PCDHGA5: variants seen among roughly 807,000 people sequenced by gnomAD.
PCDHGA5 encodes the protein protocadherin gamma-A5.
A neutral mutation model predicts 56.7 loss-of-function variants in PCDHGA5; 36 were observed. The observed-to-expected ratio is 0.64, with a 90% confidence interval of 0.49 to 0.84. PCDHGA5 has a LOEUF of 0.84. PCDHGA5 is among the 40% of genes least tolerant of loss of function. The pLI is 0.00. For synonymous variants in PCDHGA5, 563 were observed against 520.2 expected, an observed-to-expected ratio of 1.08 and a Z score of -1.12; for missense variants, 1,305 against 1,201.5, an observed-to-expected ratio of 1.09 and a Z score of -1.27.
intron 1 of PCDHGA5, chr5:141,394,519 C>T: frequency 6.2e-7 from 1 of 1,614,240 alleles, no homozygotes; most frequent in Non-Finnish European, 8.5e-7. Flanking sequence ...GCCCTCCCCA[C>T]AGACGGTTCC....
chr5:141,494,468 C>G (rs2099754577), intron 1 of PCDHGA5, among the ~76,000 whole-genome samples: 1 of 152,136 alleles, frequency 6.6e-6, no homozygotes, highest in East Asian at 1.9e-4. Context: ...TGCACCTCTT[C>G]CCCCAGTTCC....
intron 3 of PCDHGA5, among the ~76,000 whole-genome samples, chr5:141,509,776 C>T (rs898626809): frequency 7.2e-5 from 11 of 152,140 alleles, no homozygotes; most frequent in African/African-American, 9.7e-5. Context: ...GTCTAGTCCC[C>T]GAGATCATCA....
intron 1 of PCDHGA5, chr5:141,399,103 C>T (rs376000100): frequency 1.5e-5 from 25 of 1,613,604 alleles, no homozygotes; most frequent in East Asian, 6.7e-5. Context: ...ACTGGTTGCA[C>T]AATGTACAGT....
At chr5:141,403,616 C>G (rs2094434764) in intron 1 of PCDHGA5, 11 of 1,613,892 alleles carry the variant, frequency 6.8e-6, no homozygotes, top group Non-Finnish European at 9.3e-6. Flanking sequence ...CGAGCCGCGT[C>G]GCTCCAGCAC....
rs766387243 is a variant in PCDHGA5 at position 141,489,017 on chromosome 5, TCTC to T, written c.2422-5782_2422-5780del. The stretch of plus-strand genomic sequence containing the variant: ...GGGAGATCTGCTCTTCCAGCCCGCC[TCTC>T]CTCCTCCAGCTCCCCAGCTCCACTC... On this transcript the variant is annotated intron_variant, in intron 1 of 3. Transcript: ENST00000518069. This position sits in a 1 kb window ranked among gnomAD's most constrained non-coding sequence, Gnocchi z 4.5. 2 of 435,354 alleles carry T rather than the reference TCTC, an allele frequency of 4.6e-6. No individual in the cohort carries two copies. Among genetic ancestry groups the T allele is most frequent in the Non-Finnish European group, 8.1e-6 (2 of 247,876 alleles). The allele number at this position is 435,354 out of a possible 1,614,324, so 27.0% of individuals were successfully genotyped here. A position where few individuals can be genotyped will look rare whatever the true frequency, so the allele number is the denominator to read the frequency against.
chr5:141,385,348 C>T, intron 1 of PCDHGA5: 1 of 1,557,574 alleles, frequency 6.4e-7, no homozygotes. Context: ...TCCTTTATTT[C>T]CATGAGGAAT....
Position 141,476,511 on chromosome 5 carries a change from A to G in PCDHGA5, c.2422-18296A>G, listed in dbSNP as rs1562054650. Reference sequence around the variant, plus strand: ...GTGATCCAGGACATCAACGACAACAATCCTGCTTTCCCTACCCAGGAAATG... The same window carrying G: ...GTGATCCAGGACATCAACGACAACAGTCCTGCTTTCCCTACCCAGGAAATG... On this transcript the variant is annotated intron_variant, in intron 1 of 3. Transcript: ENST00000518069. The surrounding 1 kb of genome is among the most constrained non-coding windows in gnomAD (Gnocchi z 7.6). The G allele has an allele frequency of 5.0e-6, 8 of 1,613,902 alleles. No individual in the cohort carries two copies. The highest frequency in any genetic ancestry group is 6.8e-6 in the Non-Finnish European group (8 of 1,179,960).
Position 141,487,522 on chromosome 5 carries a change from T to G in PCDHGA5, c.2422-7285T>G, listed in dbSNP as rs764726787. Reference sequence around the variant, plus strand: ...TGGCTTCTGCACCCACTCGGAGTGATAGCTTCATGATGGTGAAGTCACCCA... The same window carrying G: ...TGGCTTCTGCACCCACTCGGAGTGAGAGCTTCATGATGGTGAAGTCACCCA... On this transcript the variant is annotated intron_variant, in intron 1 of 3. Transcript: ENST00000518069. This position sits in a 1 kb window ranked among gnomAD's most constrained non-coding sequence, Gnocchi z 5.0. The G allele has an allele frequency of 6.2e-7, 1 of 1,614,166 alleles. No individual in the cohort carries two copies. The highest frequency in any genetic ancestry group is 8.5e-7 in the Non-Finnish European group (1 of 1,180,022).
intron 1 of PCDHGA5, chr5:141,399,883 A>C: frequency 6.2e-7 from 1 of 1,612,718 alleles, no homozygotes; most frequent in South Asian, 1.1e-5. Flanking sequence ...CCTGGTGACC[A>C]AGGTAGTGGC....
At chr5:141,455,160 G>T (rs6875366) in intron 1 of PCDHGA5, among the ~76,000 whole-genome samples, 16,301 of 149,190 alleles carry the variant, frequency 0.11, 1,328 homozygotes, top group African/African-American at 0.23. Context: ...TAGTTTGTTG[G>T]TTTTTTTTTT....
chr5:141,450,826 A>ATTTTT (rs764729742), intron 1 of PCDHGA5, among the ~76,000 whole-genome samples: 2 of 134,302 alleles, frequency 1.5e-5, no homozygotes, highest in African/African-American at 2.9e-5. Flanking sequence ...TATTATTATT[A>ATTTTT]TTATTTTTTT....
Position 141,371,494 on chromosome 5 carries a change from C to A in PCDHGA5, c.2421+4743C>A, listed in dbSNP as rs535024997. ...GATGCTGAGCTGGGGACTGCCGTTG[C>A]CCTGATCAAAACACATGATCTAGAT... On this transcript the variant is annotated intron_variant, in intron 1 of 3. Transcript: ENST00000518069. 20 of 1,613,888 alleles carry A rather than the reference C, an allele frequency of 1.2e-5. No individual in the cohort carries two copies. In the South Asian group the frequency reaches 1.9e-4, roughly 15 times the overall value.
rs11343387 is a variant in PCDHGA5 at position 141,497,209 on chromosome 5, TGG to T, written c.2480+2352_2480+2353del. On this transcript the variant is annotated intron_variant, in intron 2 of 3. Transcript: ENST00000518069. ...GAGGCAGAGAACAATGTGAGTGTAATGGGGGGGGGAAGATCAGAGAAGGCTTC... is the reference window on the plus strand; with the variant it reads ...GAGGCAGAGAACAATGTGAGTGTAATGGGGGGGAAGATCAGAGAAGGCTTC... Among the ~76,000 whole-genome samples the T allele has an allele frequency of 3.8e-3, 569 of 151,352 alleles. 5 individuals are homozygous for T. Among genetic ancestry groups the T allele is most frequent in the Admixed American group, 0.011 (162 of 15,190 alleles).
intron 1 of PCDHGA5, among the ~76,000 whole-genome samples, chr5:141,456,690 C>T (rs893478646): frequency 7.2e-5 from 11 of 152,218 alleles, no homozygotes; most frequent in Admixed American, 5.2e-4. Flanking sequence ...ACTGGCCAGG[C>T]GTGGTGGCTC....
At chr5:141,374,238 T>C (rs1770300892) in intron 1 of PCDHGA5, 2 of 1,614,016 alleles carry the variant, frequency 1.2e-6, no homozygotes, top group African/African-American at 1.3e-5. Context: ...GTCAAGGATC[T>C]GGGACTGGAG....
chr5:141,512,702 C>T lies in PCDHGA5; in HGVS notation c.*1529C>T, dbSNP rs940927635. 2.0e-5 allele frequency: 3 copies of T among 152,828 alleles called. No homozygotes were observed. Among genetic ancestry groups the T allele is most frequent in the Non-Finnish European group, 2.9e-5 (2 of 68,560 alleles). The allele number at this position is 152,828 out of a possible 1,614,324, so 9.5% of individuals were successfully genotyped here. ...ATAGCCAGTAGTGTAGTGCGGTGTG[C>T]TTTTACGTGATGGCGGGTGGGCAGC... On this transcript the variant is annotated 3_prime_UTR_variant, in exon 4 of 4. Transcript: ENST00000518069.
Position 141,476,116 on chromosome 5 carries a change from G to C in PCDHGA5, c.2422-18691G>C, listed in dbSNP as rs367958555. On this transcript the variant is annotated intron_variant, in intron 1 of 3. Transcript: ENST00000518069. The surrounding 1 kb of genome is among the most constrained non-coding windows in gnomAD (Gnocchi z 7.6). ...GCTGAGAGGAACTGCTTTTGAGTGA[G>C]ATGGTCCCAGAGGCCTGGAGGAGCG... 504 of 1,593,954 alleles carry C rather than the reference G, an allele frequency of 3.2e-4. No individual in the cohort carries two copies. Among genetic ancestry groups the C allele is most frequent in the Non-Finnish European group, 4.1e-4 (479 of 1,172,292 alleles).
chr5:141,395,013 G>A, intron 1 of PCDHGA5: 2 of 1,614,064 alleles, frequency 1.2e-6, no homozygotes, highest in South Asian at 1.1e-5. Flanking sequence ...CAGATTGGTA[G>A]GCGTGCCTGC....
chr5:141,459,139 A>G (rs1592605909), intron 1 of PCDHGA5, among the ~76,000 whole-genome samples: 1 of 152,360 alleles, frequency 6.6e-6, no homozygotes, highest in Non-Finnish European at 1.5e-5. Flanking sequence ...ACCACCATGC[A>G]ATCAAAATAT....
Sources: gnomAD v4.1 joint callset for allele counts (sites outside exome capture counted in the v4.1 genomes callset) on GRCh38, gnomAD v4.1.1 for gene constraint, Gnocchi (gnomAD v3.1) non-coding constraint, MANE v1.5 for transcripts, NCBI Gene and HGNC (gene_info 2026-07-23, HGNC 2026-07-21) for gene names.